The following MBD2 variants were observed in gnomAD, a reference collection of about 807,000 sequenced individuals.
MBD2 encodes methyl-CpG-binding domain protein 2.
Under a neutral mutation model 39.3 loss-of-function variants are expected in MBD2, and 9 were observed. The ratio of observed to expected loss-of-function variants is 0.23; its 90% confidence interval spans 0.14 to 0.40. The LOEUF is 0.40. Ranked by LOEUF, MBD2 falls within the 10% of genes least tolerant of loss-of-function variation. The probability of loss-of-function intolerance (pLI) is 1.00; values close to 1 mark genes in which losing one functional copy is unlikely to be tolerated. For synonymous variants in MBD2, 233 were observed against 211.1 expected, an observed-to-expected ratio of 1.10 and a Z score of -0.90; for missense variants, 458 against 532.6, an observed-to-expected ratio of 0.86 and a Z score of 1.38.
chr18:54,181,557 C>T (rs1373671144), intron 3 of MBD2, among the ~76,000 whole-genome samples: 1 of 151,830 alleles, frequency 6.6e-6, no homozygotes, highest in Admixed American at 6.6e-5. Context: ...TGGAGTGCAG[C>T]GGTGCGATCT....
rs77684122 is a variant in MBD2 at position 54,208,791 on chromosome 18, A to G, written c.543-3634T>C. ...TCAGTTATCCACTGCAGCTGAAAAC[A>G]TAATAGAGCCTCACCACAATGTTCC... On this transcript the variant is annotated intron_variant, in intron 1 of 6. Coordinates refer to ENST00000256429, the MANE Select transcript of MBD2 (RefSeq NM_003927.5). Among the ~76,000 whole-genome samples the G allele has an allele frequency of 1.1e-3, 173 of 152,348 alleles. 5 individuals are homozygous for G. The East Asian group carries it at 0.019, about 17-fold the overall frequency.
chr18:54,219,850 G>C (rs1002849320), intron 1 of MBD2, among the ~76,000 whole-genome samples: 2 of 152,214 alleles, frequency 1.3e-5, no homozygotes, highest in African/African-American at 2.4e-5. Context: ...GCCCAGGCTG[G>C]AGTGCAGTGG....
intron 2 of MBD2, among the ~76,000 whole-genome samples, chr18:54,190,248 G>A (rs2086311670): frequency 6.6e-6 from 1 of 151,884 alleles, no homozygotes; most frequent in Non-Finnish European, 1.5e-5. Context: ...TTGTTATAAC[G>A]ATGAGAAAAA....
intron 1 of MBD2, among the ~76,000 whole-genome samples, chr18:54,205,949 C>CACACACAT (rs2086446572): frequency 6.9e-6 from 1 of 144,676 alleles, no homozygotes; most frequent in Non-Finnish European, 1.5e-5. Flanking sequence ...TTGTTTAAAA[C>CACACACAT]ACACACATAC....
chr18:54,209,349 T>A (rs1385961474), intron 1 of MBD2, among the ~76,000 whole-genome samples: 5 of 146,706 alleles, frequency 3.4e-5, no homozygotes, highest in Non-Finnish European at 7.5e-5. Flanking sequence ...ACAAAAAGGC[T>A]AGACATCCTT....
At chr18:54,188,825 A>G (rs1385203922) in intron 3 of MBD2, 49 bp downstream of exon 3, 2 of 1,533,842 alleles carry the variant, frequency 1.3e-6, no homozygotes, top group Non-Finnish European at 8.9e-7. Flanking sequence ...TGGTAAAAAT[A>G]CCAGCATTTT....
intron 1 of MBD2, among the ~76,000 whole-genome samples, chr18:54,218,920 C>G (rs887774705): frequency 2.6e-5 from 4 of 151,190 alleles, no homozygotes; most frequent in African/African-American, 9.8e-5. Context: ...TGAGATTGCA[C>G]CACTGCACTC....
intron 6 of MBD2, among the ~76,000 whole-genome samples, chr18:54,156,014 G>A (rs1568076002): frequency 6.6e-6 from 1 of 152,036 alleles, no homozygotes; most frequent in African/African-American, 2.4e-5. Flanking sequence ...TAATAAGCAG[G>A]ATTAGAAAGA....
intron 2 of MBD2, among the ~76,000 whole-genome samples, chr18:54,202,346 C>T (rs977325221): frequency 6.6e-6 from 1 of 152,064 alleles, no homozygotes; most frequent in East Asian, 1.9e-4. Context: ...ACAAAACAAA[C>T]ACAATAATGT....
rs1060594 is a variant in MBD2 at position 54,222,592 on chromosome 18, T to C, written c.542+1426A>G. Among the ~76,000 whole-genome samples the C allele has an allele frequency of 3.2e-3, 482 of 152,360 alleles. 1 individual carries two copies. Among genetic ancestry groups the C allele is most frequent in the African/African-American group, 0.011 (457 of 41,588 alleles). ...AAGAGATTCTCTCGCCCCAGCCCCG[T>C]AACTGGGACCACAGGTGATTACTAC... is the stretch of plus-strand genomic sequence containing the variant. On this transcript the variant is annotated intron_variant, in intron 1 of 6. Coordinates refer to ENST00000256429, the MANE Select transcript of MBD2 (RefSeq NM_003927.5).
chr18:54,202,717 A>T (rs2086416832), intron 2 of MBD2: 1 of 1,252,126 alleles, frequency 8.0e-7, no homozygotes, highest in African/African-American at 1.5e-5. Flanking sequence ...ATAAACATTT[A>T]TTACCACTAT....
intron 3 of MBD2, among the ~76,000 whole-genome samples, chr18:54,183,119 G>C (rs2086262034): frequency 6.6e-6 from 1 of 152,174 alleles, no homozygotes. Flanking sequence ...CAGCCAAGCG[G>C]ACAGTGGTCC....
At chr18:54,157,307 C>A (rs1365048463) in intron 6 of MBD2, among the ~76,000 whole-genome samples, 2 of 151,680 alleles carry the variant, frequency 1.3e-5, no homozygotes, top group Non-Finnish European at 2.9e-5. Context: ...ATCACCCAGG[C>A]TGTAGTGCAG....
chr18:54,214,008 T>C lies in MBD2; in HGVS notation c.543-8851A>G, dbSNP rs1599109811. ...TGGTTCTCTTTTCTTTCTTTCTTTT[T>C]TTTTTTTTTTTTTAACAACAAACAT... On this transcript the variant is annotated intron_variant, in intron 1 of 6. Transcript: ENST00000256429. Among the ~76,000 whole-genome samples, 3 of 150,850 alleles carry C rather than the reference T, an allele frequency of 2.0e-5. No individual in the cohort carries two copies. In the South Asian group the frequency reaches 6.3e-4, roughly 31 times the overall value.
chr18:54,189,328 C>A (rs1008814673), intron 2 of MBD2, among the ~76,000 whole-genome samples: 5 of 150,726 alleles, frequency 3.3e-5, no homozygotes, highest in African/African-American at 9.8e-5. Context: ...GGTCTGCTTA[C>A]GCCATCCGCC....
rs111427291 is a variant in MBD2, at chr18:54,176,589, A to G, written c.841-10423T>C. On this transcript the variant is annotated intron_variant, in intron 3 of 6. Transcript: ENST00000256429. The stretch of plus-strand genomic sequence containing the variant: ...ATATACAAGACACTGGGTTAGGGCT[A>G]CGTGGATGAATGGTGTTTCCTGCCA... Among the ~76,000 whole-genome samples, 699 of 152,340 alleles carry G rather than the reference A, an allele frequency of 4.6e-3. 9 individuals carry two copies. Among genetic ancestry groups the G allele is most frequent in the African/African-American group, 0.016 (656 of 41,578 alleles).
intron 3 of MBD2, among the ~76,000 whole-genome samples, chr18:54,173,856 G>A (rs1055945728): frequency 2.6e-5 from 4 of 152,188 alleles, no homozygotes; most frequent in Admixed American, 1.3e-4. Flanking sequence ...CCAGTGGAGA[G>A]CATGGATAGC....
At chr18:54,180,217 G>A (rs994332579) in intron 3 of MBD2, among the ~76,000 whole-genome samples, 5 of 151,928 alleles carry the variant, frequency 3.3e-5, no homozygotes, top group Non-Finnish European at 5.9e-5. Flanking sequence ...TAAGATTCGT[G>A]GACTGTAACA....
At chr18:54,184,575 C>A (rs2144306276) in intron 3 of MBD2, among the ~76,000 whole-genome samples, 1 of 152,294 alleles carries the variant, frequency 6.6e-6, no homozygotes, top group South Asian at 2.1e-4. Flanking sequence ...CCTTTGGAAT[C>A]AATTTGCTAG....
Sources: gnomAD v4.1 joint callset for allele counts (sites outside exome capture counted in the v4.1 genomes callset) on GRCh38, gnomAD v4.1.1 for gene constraint, MANE v1.5 for transcripts, NCBI Gene and HGNC (gene_info 2026-07-23, HGNC 2026-07-21) for gene names.